The following FSTL1 variants were observed in gnomAD, a reference collection of about 807,000 sequenced individuals.
The protein encoded by FSTL1 is follistatin like 1, also known as follistatin-related protein 1.
A neutral mutation model predicts 45.9 loss-of-function variants in FSTL1; 24 were observed. The ratio of observed to expected loss-of-function variants is 0.52; its 90% CI spans 0.38 to 0.74. FSTL1 has a LOEUF of 0.74. Ranked by LOEUF, FSTL1 falls within the 30% of genes least tolerant of loss-of-function variation. The probability of loss-of-function intolerance (pLI) is 0.00; values close to 1 mark genes in which losing one functional copy is unlikely to be tolerated. For missense variants in FSTL1, 340 were observed against 381.8 expected (o/e 0.89, Z 0.91); for synonymous variants, 120 against 137.6 (o/e 0.87, Z 0.89).
intron 3 of FSTL1, among the ~76,000 whole-genome samples, chr3:120,412,949 C>G (rs1478135496): frequency 6.6e-6 from 1 of 151,760 alleles, no homozygotes; most frequent in Non-Finnish European, 1.5e-5. Context: ...TGTTTTCCTC[C>G]TGATCTCAAG....
chr3:120,418,587 G>A (rs549884566), intron 2 of FSTL1, among the ~76,000 whole-genome samples: 3 of 152,196 alleles, frequency 2.0e-5, no homozygotes, highest in African/African-American at 4.8e-5. Context: ...TCCAGATGAC[G>A]TAAGGAAATT....
chr3:120,424,280 T>A (rs2107662526), intron 2 of FSTL1, among the ~76,000 whole-genome samples: 1 of 152,206 alleles, frequency 6.6e-6, no homozygotes, highest in South Asian at 2.1e-4. Flanking sequence ...CCAGCCTGGG[T>A]GACAGAGTGA....
chr3:120,415,290 A>G (rs1003955763), intron 3 of FSTL1, among the ~76,000 whole-genome samples: 4 of 152,244 alleles, frequency 2.6e-5, no homozygotes, highest in African/African-American at 4.8e-5. Flanking sequence ...ATAGTGGTAA[A>G]CAACCCAAAG....
chr3:120,409,489 C>T (rs755824392), intron 6 of FSTL1, 43 bp downstream of exon 6: 1 of 1,586,978 alleles, frequency 6.3e-7, no homozygotes, highest in South Asian at 1.1e-5. Context: ...GGAAGCTTCC[C>T]TTTCTATGGG....
At chr3:120,403,920 CAAAAAA>C (rs34145564) in intron 7 of FSTL1, among the ~76,000 whole-genome samples, 2 of 52,146 alleles carry the variant, frequency 3.8e-5, no homozygotes, top group African/African-American at 8.4e-5. Flanking sequence ...GACTCCGTCT[CAAAAAA>C]AAAAAAAAAA....
intron 3 of FSTL1, among the ~76,000 whole-genome samples, chr3:120,414,775 A>T (rs1187775178): frequency 6.6e-6 from 1 of 151,802 alleles, no homozygotes; most frequent in African/African-American, 2.4e-5. Flanking sequence ...GCTTTGTTAA[A>T]CAGACGCTTG....
intron 2 of FSTL1, among the ~76,000 whole-genome samples, chr3:120,445,006 GA>G (rs761939821): frequency 2.7e-5 from 4 of 149,742 alleles, no homozygotes; most frequent in Non-Finnish European, 5.9e-5. Flanking sequence ...TAACATGACT[GA>G]CATCTTATGT....
chr3:120,432,859 G>T (rs1937503003), intron 2 of FSTL1, among the ~76,000 whole-genome samples: 1 of 152,152 alleles, frequency 6.6e-6, no homozygotes, highest in African/African-American at 2.4e-5. Flanking sequence ...ACTCAATGCT[G>T]TCCACTGTGT....
At chr3:120,448,553 T>C (rs1937809985) in intron 2 of FSTL1, among the ~76,000 whole-genome samples, 1 of 152,222 alleles carries the variant, frequency 6.6e-6, no homozygotes. Flanking sequence ...CCTGGAGCCA[T>C]GAAATGTAAC....
At chr3:120,429,452 C>T (rs1430114415) in intron 2 of FSTL1, among the ~76,000 whole-genome samples, 1 of 152,176 alleles carries the variant, frequency 6.6e-6, no homozygotes, top group African/African-American at 2.4e-5. Context: ...GACAACAGGC[C>T]TAAACTGTGA....
intron 2 of FSTL1, among the ~76,000 whole-genome samples, chr3:120,430,303 C>CTT (rs568928737): frequency 6.6e-6 from 1 of 152,184 alleles, no homozygotes; most frequent in Non-Finnish European, 1.5e-5. Context: ...TGGTGACCCT[C>CTT]TTCTCAACCC....
chr3:120,450,935 A>G lies in FSTL1; in HGVS notation c.-39T>C, dbSNP rs1937886412. On this transcript the variant is annotated 5_prime_UTR_variant, in exon 1 of 11. Transcript: ENST00000295633. ...AGGTCTCCTGGGGGCGCGGGGCAGGACGGCGGCAGCGAGCTGTAAGCGGAG... is the reference window on the plus strand; with the variant it reads ...AGGTCTCCTGGGGGCGCGGGGCAGGGCGGCGGCAGCGAGCTGTAAGCGGAG... 2.1e-6 allele frequency: 1 copy of G among 479,880 alleles called. No homozygotes were observed. The highest frequency in any genetic ancestry group is 3.7e-6 in the Non-Finnish European group (1 of 272,656). The allele number at this position is 479,880 out of a possible 1,614,324, so 29.7% of individuals were successfully genotyped here.
chr3:120,450,326 A>G (rs1937856869), intron 2 of FSTL1, among the ~76,000 whole-genome samples: 1 of 152,068 alleles, frequency 6.6e-6, no homozygotes, highest in African/African-American at 2.4e-5. Context: ...AAAGTCCCCA[A>G]CTACTCTCAG....
chr3:120,436,863 T>C (rs1025340025), intron 2 of FSTL1, among the ~76,000 whole-genome samples: 2 of 152,166 alleles, frequency 1.3e-5, no homozygotes, highest in Non-Finnish European at 2.9e-5. Context: ...GCTCCGAGTA[T>C]TTGTGAATGA....
intron 2 of FSTL1, among the ~76,000 whole-genome samples, chr3:120,425,275 G>A (rs1310020551): frequency 6.6e-6 from 1 of 151,744 alleles, no homozygotes; most frequent in African/African-American, 2.4e-5. Context: ...AGAATTGGGA[G>A]GAAAACCAGG....
chr3:120,416,894 G>A (rs942498444), intron 2 of FSTL1, among the ~76,000 whole-genome samples: 3 of 152,216 alleles, frequency 2.0e-5, no homozygotes, highest in Admixed American at 2.0e-4. Context: ...TGGGGGTATT[G>A]ACAGGCACTG....
chr3:120,413,672 C>T (rs1377264415), intron 3 of FSTL1, among the ~76,000 whole-genome samples: 1 of 151,780 alleles, frequency 6.6e-6, no homozygotes, highest in Non-Finnish European at 1.5e-5. Context: ...AACAGAATGT[C>T]CAAGGTATTT....
intron 2 of FSTL1, among the ~76,000 whole-genome samples, chr3:120,442,296 A>C (rs1937639304): frequency 1.3e-5 from 2 of 152,212 alleles, no homozygotes; most frequent in Admixed American, 1.3e-4. Context: ...CAGCTGGACA[A>C]GGCCAGAATT....
At position 120,450,783 on chromosome 3, in the gene FSTL1, G is replaced by A. The variant is rs1937879673; in HGVS notation, c.1-37C>T. 11 of 1,501,450 alleles carry A rather than the reference G, an allele frequency of 7.3e-6. No individual in the cohort carries two copies. In the Middle Eastern group the frequency reaches 5.1e-4, roughly 70 times the overall value. 93.0% of individuals were successfully genotyped at this position (1,501,450 alleles called of 1,614,324 possible). ...AGAAGAGAGCGAGTCTGAAGGCGCC[G>A]GGCCCCGCGCTGACCTGGGAAACTT... On this transcript the variant is annotated intron_variant, in intron 1 of 10. Transcript: ENST00000295633.
Sources: allele counts gnomAD v4.1 joint callset (sites outside exome capture counted in the v4.1 genomes callset), GRCh38; gene constraint gnomAD v4.1.1; transcripts MANE v1.5; gene names NCBI Gene and HGNC (gene_info 2026-07-23, HGNC 2026-07-21).